ZDHHC3: variants seen among roughly 807,000 people sequenced by gnomAD.
ZDHHC3 encodes palmitoyltransferase ZDHHC3.
Under a neutral mutation model 30.6 loss-of-function variants are expected in ZDHHC3, and 9 were observed. The observed-to-expected ratio is 0.29, with a 90% CI of 0.18 to 0.51. The LOEUF is 0.51. Ranked by LOEUF, ZDHHC3 falls within the 20% of genes least tolerant of loss-of-function variation. The pLI, the probability that ZDHHC3 is intolerant of heterozygous loss-of-function variation, is 0.97. For synonymous variants in ZDHHC3, 136 were observed against 140.2 expected (o/e 0.97, Z 0.21); for missense variants, 246 against 384.2 (o/e 0.64, Z 3.01).
At chr3:44,932,673 C>T (rs1301999568) in intron 5 of ZDHHC3, among the ~76,000 whole-genome samples, 1 of 152,052 alleles carries the variant, frequency 6.6e-6, no homozygotes, top group African/African-American at 2.4e-5. Flanking sequence ...TCACAAAAAC[C>T]AAAGAAATTA....
Position 44,915,886 on chromosome 3 carries a change from C to T in ZDHHC3, c.*10803G>A, listed in dbSNP as rs879585412. ...CCAGGGGGCAGGCATTGCTTCCTCC[C>T]TAGTGTGAACTCTCTGGTATTCCAT... On this transcript the variant is annotated 3_prime_UTR_variant, in exon 7 of 7. Coordinates refer to ENST00000424952, the MANE Select transcript of ZDHHC3 (RefSeq NM_001135179.2). The T allele has an allele frequency of 6.6e-6, 1 of 152,242 alleles. No individual in the cohort carries two copies. Among genetic ancestry groups the T allele is most frequent in the Non-Finnish European group, 1.5e-5 (1 of 68,096 alleles). 9.4% of individuals were successfully genotyped at this position (152,242 alleles called of 1,614,324 possible).
rs1464966647 is a variant in ZDHHC3 at position 44,959,493 on chromosome 3, G to A, written c.-24-33C>T. 3.8e-6 allele frequency: 6 copies of A among 1,563,472 alleles called. No homozygotes were observed. The African/African-American group carries it at 8.1e-5, about 21-fold the overall frequency. ...AGAGAGGAAAGAATCCAGAAACTTGGTGTTGTCTTGTCATCAAGGAGGTTT... is the reference window on the plus strand; with the variant it reads ...AGAGAGGAAAGAATCCAGAAACTTGATGTTGTCTTGTCATCAAGGAGGTTT... On this transcript the variant is annotated intron_variant, in intron 1 of 6. Coordinates refer to ENST00000424952, the MANE Select transcript of ZDHHC3 (RefSeq NM_001135179.2). This position sits in a 1 kb window ranked among gnomAD's most constrained non-coding sequence, Gnocchi z 4.3.
chr3:44,937,942 C>A, intron 3 of ZDHHC3: 1 of 474,184 alleles, frequency 2.1e-6, no homozygotes, highest in Non-Finnish European at 4.2e-6. Context: ...AAGGAACTGC[C>A]GTGAGACAGA....
At chr3:44,941,241 T>C (rs1702416196) in intron 3 of ZDHHC3, among the ~76,000 whole-genome samples, 1 of 152,152 alleles carries the variant, frequency 6.6e-6, no homozygotes, top group Non-Finnish European at 1.5e-5. Flanking sequence ...TACCCCTCAC[T>C]GGCTATGACT....
intron 3 of ZDHHC3, chr3:44,938,540 A>G (rs1245021190): frequency 6.5e-6 from 1 of 153,116 alleles, no homozygotes; most frequent in Non-Finnish European, 1.5e-5. Flanking sequence ...ATAAAAATAA[A>G]TAAAAATAAA....
chr3:44,918,233 CG>C lies in ZDHHC3; in HGVS notation c.*8455del, dbSNP rs10576157. The C allele has an allele frequency of 0.42, 478,065 of 1,148,282 alleles. 89,517 individuals are homozygous for C. The highest frequency in any genetic ancestry group is 0.45 in the Non-Finnish European group (404,533 of 902,134). The allele number at this position is 1,148,282 out of a possible 1,614,324, so 71.1% of individuals were successfully genotyped here. ...ACCCCCAGCTATAGCATAGCAGTGG[CG>C]GGGGGGGGGGCGGGGTGTCCACGGC... On this transcript the variant is annotated 3_prime_UTR_variant, in exon 7 of 7. Coordinates refer to ENST00000424952, the MANE Select transcript of ZDHHC3 (RefSeq NM_001135179.2).
chr3:44,936,672 T>C (rs1296404112), intron 3 of ZDHHC3, among the ~76,000 whole-genome samples: 1 of 152,132 alleles, frequency 6.6e-6, no homozygotes, highest in Non-Finnish European at 1.5e-5. Flanking sequence ...CATGGAATAC[T>C]ATGTGGCCAC....
chr3:44,922,847 G>C lies in ZDHHC3; in HGVS notation c.*3842C>G, dbSNP rs1333221803. On this transcript the variant is annotated 3_prime_UTR_variant, in exon 7 of 7. Coordinates refer to ENST00000424952, the MANE Select transcript of ZDHHC3 (RefSeq NM_001135179.2). ...GTCTGGCAACCTCAAGAACACCTTT[G>C]AGGAGGATTCTAGCAAAATCTTTCT... 2 of 985,184 alleles carry C rather than the reference G, an allele frequency of 2.0e-6. No homozygotes were observed. Among genetic ancestry groups the C allele is most frequent in the African/African-American group, 3.5e-5 (2 of 57,188 alleles). 61.0% of individuals were successfully genotyped at this position (985,184 alleles called of 1,614,324 possible).
In ZDHHC3 at chr3:44,916,609, A is replaced by G. The variant is rs901807237; in HGVS notation, c.*10080T>C. 2 of 152,262 alleles carry G rather than the reference A, an allele frequency of 1.3e-5. No individual in the cohort carries two copies. The highest frequency in any genetic ancestry group is 1.3e-4 in the Admixed American group (2 of 15,286). The allele number at this position is 152,262 out of a possible 1,614,324, so 9.4% of individuals were successfully genotyped here. ...TAGACGCTGGGGAAATGGGCCAAAG[A>G]GAGGAACAAAGGCACGTGGAGGGAG... On this transcript the variant is annotated 3_prime_UTR_variant, in exon 7 of 7. Transcript: ENST00000424952.
rs1700487074 is a variant in ZDHHC3 at position 44,920,109 on chromosome 3, C to T, written c.*6580G>A. The T allele has an allele frequency of 3.3e-6, 4 of 1,214,824 alleles. No homozygotes were observed. The highest frequency in any genetic ancestry group is 4.2e-6 in the Non-Finnish European group (4 of 947,780). The allele number at this position is 1,214,824 out of a possible 1,614,324, so 75.3% of individuals were successfully genotyped here. A position where few individuals can be genotyped will look rare whatever the true frequency, so the allele number is the denominator to read the frequency against. ...ACTTCTCACACAATCCAAGTTTTAC[C>T]AATGAGCCAATGTTACTTTTATAAT... On this transcript the variant is annotated 3_prime_UTR_variant, in exon 7 of 7. Coordinates refer to ENST00000424952, the MANE Select transcript of ZDHHC3 (RefSeq NM_001135179.2).
Position 44,917,791 on chromosome 3 carries a change from G to A in ZDHHC3, c.*8898C>T, listed in dbSNP as rs1700285897. The A allele has an allele frequency of 8.3e-7, 1 of 1,199,978 alleles. No individual in the cohort carries two copies. The highest frequency in any genetic ancestry group is 1.1e-6 in the Non-Finnish European group (1 of 927,162). The allele number at this position is 1,199,978 out of a possible 1,614,324, so 74.3% of individuals were successfully genotyped here. The stretch of plus-strand genomic sequence containing the variant: ...CAAGCGAGTGGCTAAGGGAAGCACT[G>A]GGGGTGCTGGGAGCGCACCATGCCC... On this transcript the variant is annotated 3_prime_UTR_variant, in exon 7 of 7. Transcript: ENST00000424952.
intron 3 of ZDHHC3, among the ~76,000 whole-genome samples, chr3:44,943,345 T>G (rs749416373): frequency 3.3e-5 from 5 of 152,114 alleles, no homozygotes; most frequent in Non-Finnish European, 5.9e-5. Context: ...TTTCTTTATC[T>G]AGGGAGGCCA....
At position 44,964,586 on chromosome 3, in the gene ZDHHC3, G is replaced by A. The variant is rs371561935; in HGVS notation, c.-24-5126C>T. Among the ~76,000 whole-genome samples, 34 of 152,324 alleles carry A rather than the reference G, an allele frequency of 2.2e-4. No homozygotes were observed. In the East Asian group the frequency reaches 3.3e-3, roughly 15 times the overall value. ...CTGAAAGGTACTGGTGAGCCATAAA[G>A]TTTCTGAGGAAAGTTGTGCAGGAAT... On this transcript the variant is annotated intron_variant, in intron 1 of 6. Transcript: ENST00000424952.
At position 44,923,297 on chromosome 3, in the gene ZDHHC3, C is replaced by T. The variant is rs780457621; in HGVS notation, c.*3392G>A. On this transcript the variant is annotated 3_prime_UTR_variant, in exon 7 of 7. Transcript: ENST00000424952. ...TTCACCGTGTTAGCCAGGATGATCT[C>T]GATCTCTTGACCTCGTGATCTGCCC... 1.1e-5 allele frequency: 11 copies of T among 957,418 alleles called. No homozygotes were observed. Among genetic ancestry groups the T allele is most frequent in the African/African-American group, 5.3e-5 (3 of 56,564 alleles). The allele number at this position is 957,418 out of a possible 1,614,324, so 59.3% of individuals were successfully genotyped here.
rs866134160 is a variant in ZDHHC3 at position 44,943,440 on chromosome 3, G to A, written c.431+1728C>T. ...CTGAGGCAGGGCAGGCTGAGGTGCC[G>A]TGGGCACAGCACACAGGTACTGGGG... On this transcript the variant is annotated intron_variant, in intron 3 of 6. Coordinates refer to ENST00000424952, the MANE Select transcript of ZDHHC3 (RefSeq NM_001135179.2). Among the ~76,000 whole-genome samples, 5 of 152,198 alleles carry A rather than the reference G, an allele frequency of 3.3e-5. No homozygotes were observed. The East Asian group carries it at 7.8e-4, about 24-fold the overall frequency.
rs557204693 is a variant in ZDHHC3 at position 44,953,227 on chromosome 3, C to T, written c.306+5904G>A. Among the ~76,000 whole-genome samples, 3 of 152,302 alleles carry T rather than the reference C, an allele frequency of 2.0e-5. No homozygotes were observed. In the South Asian group the frequency reaches 6.2e-4, roughly 32 times the overall value. Reference sequence around the variant, plus strand: ...GGCAGAAGTAGGGTTCTGACCCAGACAATCCAAGTCTAGAACCTATGTCAC... The same window carrying T: ...GGCAGAAGTAGGGTTCTGACCCAGATAATCCAAGTCTAGAACCTATGTCAC... On this transcript the variant is annotated intron_variant, in intron 2 of 6. Transcript: ENST00000424952.
Position 44,976,148 on chromosome 3 carries a change from G to C in ZDHHC3, c.-240C>G. On this transcript the variant is annotated 5_prime_UTR_variant, in exon 1 of 7. Transcript: ENST00000424952. Reference sequence around the variant, plus strand: ...TCTCCCGGCAGTGGCGGCGGCCGCGGCTGCAGGAGCGGCCGCCGCGCAGGT... The same window carrying C: ...TCTCCCGGCAGTGGCGGCGGCCGCGCCTGCAGGAGCGGCCGCCGCGCAGGT... The C allele has an allele frequency of 2.7e-6, 2 of 732,316 alleles. No homozygotes were observed. The highest frequency in any genetic ancestry group is 3.9e-6 in the Non-Finnish European group (2 of 510,970). The allele number at this position is 732,316 out of a possible 1,614,324, so 45.4% of individuals were successfully genotyped here.
At chr3:44,971,524 T>C (rs1054176834) in intron 1 of ZDHHC3, among the ~76,000 whole-genome samples, 7 of 152,198 alleles carry the variant, frequency 4.6e-5, no homozygotes, top group Non-Finnish European at 8.8e-5. Flanking sequence ...TGAGCCTCAT[T>C]TTTTCCCCAA....
rs1282762099 is a variant in ZDHHC3 at position 44,916,726 on chromosome 3, T to C, written c.*9963A>G. 4 of 152,190 alleles carry C rather than the reference T, an allele frequency of 2.6e-5. No individual in the cohort carries two copies. Among genetic ancestry groups the C allele is most frequent in the Non-Finnish European group, 4.4e-5 (3 of 68,044 alleles). The allele number at this position is 152,190 out of a possible 1,614,324, so 9.4% of individuals were successfully genotyped here. On this transcript the variant is annotated 3_prime_UTR_variant, in exon 7 of 7. Transcript: ENST00000424952. ...GATGCTGCTTCAGCAACCACTGGAATGGGGTTTAGGAGCACCAGAACGCTG... is the reference window on the plus strand; with the variant it reads ...GATGCTGCTTCAGCAACCACTGGAACGGGGTTTAGGAGCACCAGAACGCTG...
Sources: gnomAD v4.1 joint callset for allele counts (sites outside exome capture counted in the v4.1 genomes callset) on GRCh38, gnomAD v4.1.1 for gene constraint, Gnocchi (gnomAD v3.1) non-coding constraint, MANE v1.5 for transcripts, NCBI Gene and HGNC (gene_info 2026-07-23, HGNC 2026-07-21) for gene names.